AVIL: variants seen among roughly 807,000 people sequenced by gnomAD.
AVIL encodes the protein advillin.
Under a neutral mutation model 109.9 loss-of-function variants are expected in AVIL, and 78 were observed. The ratio of observed to expected loss-of-function variants is 0.71; its 90% CI spans 0.59 to 0.86. The LOEUF (loss-of-function observed/expected upper bound fraction) is 0.86. AVIL is among the 40% of genes least tolerant of loss of function. The pLI is 0.00. For missense variants in AVIL, 892 were observed against 1,016.5 expected (o/e 0.88, Z 1.67); for synonymous variants, 367 against 379.1 (o/e 0.97, Z 0.37).
intron 19 of AVIL, among the ~76,000 whole-genome samples, chr12:57,798,768 C>T (rs951015289): frequency 1.4e-4 from 22 of 152,136 alleles, no homozygotes; most frequent in African/African-American, 4.1e-4. Flanking sequence ...AGGCACCCAC[C>T]ACCACGCCTG....
chr12:57,810,222 A>G, intron 7 of AVIL, 127 bp downstream of exon 7: 1 of 1,019,190 alleles, frequency 9.8e-7, no homozygotes, highest in Non-Finnish European at 1.4e-6. Flanking sequence ...GCTGCATTTG[A>G]AAAGGACTAA....
chr12:57,808,305 A>G lies in AVIL; in HGVS notation c.1094-11T>C. On this transcript the variant is annotated splice_polypyrimidine_tract_variant and intron_variant, in intron 10 of 19. Coordinates refer to ENST00000549994, the MANE Select transcript of AVIL (RefSeq NM_006576.4). ...CCTGGAAAACTTTAGCTGTGGAGAA[A>G]GGGTTGGGAAAAGCCGAGTGAGTAA... The G allele has an allele frequency of 6.2e-7, 1 of 1,614,176 alleles. No individual in the cohort carries two copies. The highest frequency in any genetic ancestry group is 8.5e-7 in the Non-Finnish European group (1 of 1,180,016).
intron 7 of AVIL, 49 bp from the exon 8 acceptor site, chr12:57,809,939 T>C: frequency 1.9e-6 from 3 of 1,585,648 alleles, no homozygotes; most frequent in Non-Finnish European, 2.6e-6. Context: ...ATAAAGCATC[T>C]TGTAGTCAAC....
Position 57,815,571 on chromosome 12 carries a change from C to G in AVIL, c.66+404G>C, listed in dbSNP as rs977774238. 11 of 1,246,506 alleles carry G rather than the reference C, an allele frequency of 8.8e-6. No individual in the cohort carries two copies. The African/African-American group carries it at 1.6e-4, about 18-fold the overall frequency. The allele number at this position is 1,246,506 out of a possible 1,614,324, so 77.2% of individuals were successfully genotyped here. On this transcript the variant is annotated intron_variant, in intron 2 of 19. Transcript: ENST00000549994. The stretch of plus-strand genomic sequence containing the variant: ...AACAGCTCCTCATCTCTGCAGTGCC[C>G]CCTCACCTCTCCCCATATTTTGTAG...
intron 1 of AVIL, chr12:57,816,272 C>T (rs1956100383): frequency 2.0e-6 from 1 of 496,012 alleles, no homozygotes; most frequent in African/African-American, 2.0e-5. Context: ...CCCATGAGTT[C>T]TGCTTCCCAC....
chr12:57,817,413 T>G (rs1274747359), intron 1 of AVIL, among the ~76,000 whole-genome samples: 1 of 151,180 alleles, frequency 6.6e-6, no homozygotes, highest in African/African-American at 2.4e-5. Context: ...GCAGACTCGC[T>G]TTGTCTACTG....
At chr12:57,815,327 G>T (rs1032663807) in intron 2 of AVIL, among the ~76,000 whole-genome samples, 1 of 152,258 alleles carries the variant, frequency 6.6e-6, no homozygotes, top group Non-Finnish European at 1.5e-5. Flanking sequence ...TCTCTGCGAG[G>T]CTTGCTGGAG....
rs1468455777 is a variant in AVIL, at chr12:57,803,334, G to A, written c.1875C>T (p.Thr625=). The change falls in exon 16 of 20, where the codon ACC becomes ACT. Residue 625 remains threonine (T), a synonymous_variant. Transcript: ENST00000549994. The part of the protein sequence containing the change: ...QSRLFECSNK[T]GQFVVTEITD... ...TGATCTCAGTGACAACGAATTGGCC[G>A]GTCTTATTGGAACATTCAAAGAGAC... The A allele has an allele frequency of 2.5e-6, 4 of 1,614,104 alleles. No homozygotes were observed. Among genetic ancestry groups the A allele is most frequent in the African/African-American group, 1.3e-5 (1 of 75,006 alleles).
In AVIL at chr12:57,807,527, C is replaced by T. The variant is rs73340232; in HGVS notation, c.1333-38G>A. On this transcript the variant is annotated intron_variant, in intron 12 of 19. Transcript: ENST00000549994. ...GAGGCCATGAAGGACCCATGCTCCC[C>T]GCCCCAGCCCAGTGGCCAGAGGACA... 1.1e-3 allele frequency: 1,711 copies of T among 1,614,236 alleles called. 9 individuals carry two copies. In the African/African-American group the frequency reaches 0.019, roughly 18 times the overall value.
chr12:57,815,232 G>A (rs1430892134), intron 2 of AVIL, among the ~76,000 whole-genome samples: 3 of 152,198 alleles, frequency 2.0e-5, no homozygotes, highest in Non-Finnish European at 2.9e-5. Context: ...GATTACAGGC[G>A]TGAGCCACCG....
intron 16 of AVIL, among the ~76,000 whole-genome samples, chr12:57,802,939 C>T (rs1343377838): frequency 6.6e-6 from 1 of 152,182 alleles, no homozygotes; most frequent in Non-Finnish European, 1.5e-5. Context: ...GGCCCATATC[C>T]TCTGCATGTG....
chr12:57,803,150 G>A, intron 16 of AVIL, 97 bp downstream of exon 16: 2 of 1,488,578 alleles, frequency 1.3e-6, no homozygotes, highest in Non-Finnish European at 1.8e-6. Context: ...ATGGTCCAGG[G>A]CTACCCTGGG....
chr12:57,816,700 C>CTTTTTTTTTTTTTTTTTTTTTTTTTT, intron 1 of AVIL, among the ~76,000 whole-genome samples: 1 of 93,490 alleles, frequency 1.1e-5, no homozygotes, highest in Non-Finnish European at 2.1e-5. Flanking sequence ...GGCTTTTGTC[C>CTTTTTTTTTTTTTTTTTTTTTTTTTT]TTTTTTTTTT....
At chr12:57,807,234 C>T in intron 13 of AVIL, 97 bp downstream of exon 13, 3 of 1,562,456 alleles carry the variant, frequency 1.9e-6, no homozygotes, top group South Asian at 2.3e-5. Context: ...AGCCTGACTC[C>T]CTACCCCACC....
At chr12:57,808,665 C>T in intron 9 of AVIL, 117 bp from the exon 10 acceptor site, 1 of 1,245,708 alleles carries the variant, frequency 8.0e-7, no homozygotes, top group Non-Finnish European at 1.1e-6. Context: ...CTCTGGGAGT[C>T]AGAGTCAAAT....
chr12:57,803,935 A>G (rs1756854474), intron 14 of AVIL: 2 of 368,826 alleles, frequency 5.4e-6, no homozygotes. Flanking sequence ...GAATTTAGGC[A>G]CCTACTTTTG....
intron 3 of AVIL, 33 bp downstream of exon 3, chr12:57,814,119 G>A: frequency 6.2e-7 from 1 of 1,609,112 alleles, no homozygotes; most frequent in Non-Finnish European, 8.5e-7. Flanking sequence ...CCCCAGGGGA[G>A]AGGCTCACAG....
At chr12:57,804,826 A>C (rs552116938) in intron 14 of AVIL, among the ~76,000 whole-genome samples, 8 of 152,252 alleles carry the variant, frequency 5.3e-5, no homozygotes, top group African/African-American at 1.9e-4. Flanking sequence ...AAAACAAAAA[A>C]AAAACTGAAA....
chr12:57,806,525 C>T lies in AVIL; in HGVS notation c.1506G>A (p.Arg502=), dbSNP rs1461023912. ...KLVIFEGGTS[R]KGNAEPDPPV... Reference sequence around the variant, plus strand: ...GAGGGTCAGGCTCGGCATTTCCCTTCCTGGAAGTCCCACCCTAGAGAGAAG... The same window carrying T: ...GAGGGTCAGGCTCGGCATTTCCCTTTCTGGAAGTCCCACCCTAGAGAGAAG... The change falls in exon 14 of 20, where the codon AGG becomes AGA. Residue 502 remains arginine (R), a synonymous_variant. Coordinates refer to ENST00000549994, the MANE Select transcript of AVIL (RefSeq NM_006576.4). 4.3e-6 allele frequency: 7 copies of T among 1,613,984 alleles called. No individual in the cohort carries two copies. Among genetic ancestry groups the T allele is most frequent in the Middle Eastern group, 1.6e-4 (1 of 6,084 alleles).
Sources: gnomAD v4.1 joint callset for allele counts (sites outside exome capture counted in the v4.1 genomes callset) on GRCh38, gnomAD v4.1.1 for gene constraint, MANE v1.5 for transcripts, NCBI Gene and HGNC (gene_info 2026-07-23, HGNC 2026-07-21) for gene names.